Variants in CNIH3 observed in about 807,000 individuals in gnomAD.
CNIH3 encodes cornichon family AMPA receptor auxiliary protein 3, also known as protein cornichon homolog 3.
A neutral mutation model predicts 24.1 loss-of-function variants in CNIH3; 14 were observed. The ratio of observed to expected loss-of-function variants is 0.58; its 90% CI spans 0.38 to 0.91. The LOEUF (loss-of-function observed/expected upper bound fraction) is 0.91, where lower values mean the gene tolerates loss of function less well. Ranked by LOEUF, CNIH3 falls within the 40% of genes least tolerant of loss-of-function variation. The pLI is 0.00. For missense variants in CNIH3, 178 were observed against 196.8 expected (o/e 0.90, Z 0.57); for synonymous variants, 68 against 73.8 (o/e 0.92, Z 0.40).
At chr1:224,641,902 AAC>A (rs1684378782) in intron 1 of CNIH3, among the ~76,000 whole-genome samples, 1 of 152,182 alleles carries the variant, frequency 6.6e-6, no homozygotes, top group Non-Finnish European at 1.5e-5. Context: ...AACTAGTGAA[AAC>A]CATTGGTTTG....
chr1:224,571,382 A>G (rs543689638), intron 4 of CNIH3, among the ~76,000 whole-genome samples: 6 of 152,314 alleles, frequency 3.9e-5, no homozygotes, highest in African/African-American at 1.4e-4. Context: ...ATGAAATAAC[A>G]GAAGCAGTTT....
At chr1:224,663,085 A>G (rs2125119777) in intron 1 of CNIH3, among the ~76,000 whole-genome samples, 1 of 152,312 alleles carries the variant, frequency 6.6e-6, no homozygotes, top group East Asian at 1.9e-4. Flanking sequence ...AATACTAATC[A>G]GTCCTGACAC....
chr1:224,636,487 C>T (rs1437256842), intron 1 of CNIH3, among the ~76,000 whole-genome samples: 1 of 152,228 alleles, frequency 6.6e-6, no homozygotes, highest in African/African-American at 2.4e-5. Flanking sequence ...CAGGAGCTTA[C>T]ATCAGACAAG....
chr1:224,563,339 G>A (rs983995463), intron 3 of CNIH3, among the ~76,000 whole-genome samples: 4 of 152,072 alleles, frequency 2.6e-5, no homozygotes, highest in South Asian at 4.1e-4. Context: ...TGGATAAATC[G>A]TATCACTGTC....
intron 3 of CNIH3, among the ~76,000 whole-genome samples, chr1:224,695,357 A>ACACAC (rs1687112330): frequency 6.9e-6 from 1 of 145,740 alleles, no homozygotes; most frequent in African/African-American, 2.6e-5. Context: ...TCTCTTTCTA[A>ACACAC]ACACACACAC....
intron 1 of CNIH3, among the ~76,000 whole-genome samples, chr1:224,659,719 G>T (rs1685255534): frequency 6.6e-6 from 1 of 152,204 alleles, no homozygotes; most frequent in South Asian, 2.1e-4. Flanking sequence ...TATACTGGAA[G>T]AAAACATCGC....
rs560801674 is a variant in CNIH3, at chr1:224,451,598, A to G, written n.203+16736A>G. ...ATTCTTGTGAGTATTGACTATCTAG[A>G]AAACTTATTCACCCATATGCCATAT... On this transcript the variant is annotated intron_variant and non_coding_transcript_variant, in intron 1 of 5. Coordinates refer to the CNIH3 transcript ENST00000471578. Among the ~76,000 whole-genome samples the G allele has an allele frequency of 2.0e-5, 3 of 152,310 alleles. No individual in the cohort carries two copies. The South Asian group carries it at 6.2e-4, about 32-fold the overall frequency.
intron 1 of CNIH3, among the ~76,000 whole-genome samples, chr1:224,473,377 A>T (rs901793457): frequency 6.6e-6 from 1 of 152,188 alleles, no homozygotes; most frequent in Non-Finnish European, 1.5e-5. Context: ...ATCAAAAGGC[A>T]TAGAGTGGCT....
At chr1:224,648,428 A>AG (rs992725815) in intron 1 of CNIH3, among the ~76,000 whole-genome samples, 12 of 150,584 alleles carry the variant, frequency 8.0e-5, no homozygotes, top group African/African-American at 2.7e-4. Flanking sequence ...AAAAAAAAAA[A>AG]AGAAAAGAAA....
chr1:224,639,729 C>T (rs1331865823), intron 1 of CNIH3, among the ~76,000 whole-genome samples: 1 of 152,196 alleles, frequency 6.6e-6, no homozygotes, highest in African/African-American at 2.4e-5. Flanking sequence ...TAAATTTCTT[C>T]CTGAGGGCCT....
At chr1:224,707,297 A>C (rs1317317596) in intron 3 of CNIH3, among the ~76,000 whole-genome samples, 1 of 152,166 alleles carries the variant, frequency 6.6e-6, no homozygotes, top group Non-Finnish European at 1.5e-5. Context: ...GTTCATTTTA[A>C]TCAAAGTTTA....
chr1:224,444,845 A>G (rs1457425743), intron 1 of CNIH3, among the ~76,000 whole-genome samples: 1 of 149,998 alleles, frequency 6.7e-6, no homozygotes, highest in Non-Finnish European at 1.5e-5. Flanking sequence ...AGGTTTCACC[A>G]TGTTGGTCAG....
In CNIH3 at chr1:224,543,661, T is replaced by G. The variant is rs181166379; in HGVS notation, n.340-3168T>G. ...TTTTATTAGACCAGAATAAAACAAG[T>G]GTTCACAATGGCCTGCAGTGACCTT... On this transcript the variant is annotated intron_variant and non_coding_transcript_variant, in intron 2 of 5. Transcript: ENST00000471578. Among the ~76,000 whole-genome samples, 7 of 152,284 alleles carry G rather than the reference T, an allele frequency of 4.6e-5. No homozygotes were observed. In the East Asian group the frequency reaches 1.4e-3, roughly 29 times the overall value.
At chr1:224,568,221 C>T (rs180693355) in intron 4 of CNIH3, among the ~76,000 whole-genome samples, 2 of 151,808 alleles carry the variant, frequency 1.3e-5, no homozygotes, top group Admixed American at 6.6e-5. Context: ...ACCAGGGAGT[C>T]GGAGGTTGCA....
At chr1:224,566,558 C>T (rs749835212) in intron 4 of CNIH3, among the ~76,000 whole-genome samples, 52 of 152,178 alleles carry the variant, frequency 3.4e-4, no homozygotes, top group Non-Finnish European at 3.4e-4. Flanking sequence ...GTGTGATATT[C>T]CCTTCCCTGT....
At chr1:224,601,670 A>G (rs1027228747) in intron 3 of CNIH3, among the ~76,000 whole-genome samples, 1 of 152,182 alleles carries the variant, frequency 6.6e-6, no homozygotes, top group Non-Finnish European at 1.5e-5. Flanking sequence ...ACTTAATTTC[A>G]CAGTACCTAG....
chr1:224,595,328 G>A (rs1314565411), intron 3 of CNIH3, among the ~76,000 whole-genome samples: 2 of 152,192 alleles, frequency 1.3e-5, no homozygotes, highest in African/African-American at 4.8e-5. Context: ...TTACAGGTAT[G>A]AGCCACCATG....
rs529062922 is a variant in CNIH3, at chr1:224,574,717, AG to A, written n.517-8446del. On this transcript the variant is annotated intron_variant and non_coding_transcript_variant, in intron 4 of 5. Coordinates refer to the CNIH3 transcript ENST00000471578. The stretch of plus-strand genomic sequence containing the variant: ...GGCCTGGTGAAAGGAGCCTGCCAGA[AG>A]ATGCTCATTGACCTGAAGCTGGACT... 1.0e-3 allele frequency: 1,249 copies of A among 1,200,482 alleles called. 5 individuals are homozygous for A. The highest frequency in any genetic ancestry group is 1.3e-3 in the Non-Finnish European group (1,035 of 805,990). The allele number at this position is 1,200,482 out of a possible 1,614,324, so 74.4% of individuals were successfully genotyped here. A position where few individuals can be genotyped will look rare whatever the true frequency, so the allele number is the denominator to read the frequency against.
rs573381798 is a variant in CNIH3, at chr1:224,586,405, T to A, written n.621-1956T>A. Among the ~76,000 whole-genome samples the A allele has an allele frequency of 3.9e-5, 6 of 152,272 alleles. No homozygotes were observed. In the South Asian group the frequency reaches 1.2e-3, roughly 32 times the overall value. On this transcript the variant is annotated intron_variant and non_coding_transcript_variant, in intron 5 of 5. Coordinates refer to the CNIH3 transcript ENST00000471578. The stretch of plus-strand genomic sequence containing the variant: ...CCCTTTTTAAAACCATCAGATCACA[T>A]GAGACTTATTCACTATCATGAGAAC...
Sources: gnomAD v4.1 joint callset for allele counts (sites outside exome capture counted in the v4.1 genomes callset) on GRCh38, gnomAD v4.1.1 for gene constraint, MANE v1.5 for transcripts, NCBI Gene and HGNC (gene_info 2026-07-23, HGNC 2026-07-21) for gene names.